SMARCD1: variants seen among roughly 807,000 people sequenced by gnomAD.
The protein encoded by SMARCD1 is SWI/SNF related BAF chromatin remodeling complex subunit D1.
In SMARCD1, 16 loss-of-function variants were observed where a neutral mutation model predicts 70.8. That is an observed-to-expected ratio of 0.23 (90% confidence interval 0.15 to 0.34). The LOEUF is 0.34. Among genes scored for constraint, SMARCD1 ranks in the 10% least tolerant of loss-of-function variants. The probability of loss-of-function intolerance (pLI) is 1.00; values close to 1 mark genes in which losing one functional copy is unlikely to be tolerated. For synonymous variants in SMARCD1, 249 were observed against 246.0 expected (o/e 1.01, Z -0.11); for missense variants, 409 against 655.5 (o/e 0.62, Z 4.11).
intron 2 of SMARCD1, 82 bp from the exon 3 acceptor site, chr12:50,086,536 TTAC>T (rs1950792851): frequency 7.3e-7 from 1 of 1,375,986 alleles, no homozygotes; most frequent in African/African-American, 1.5e-5. Context: ...TCCCTTCACA[TTAC>T]TATAAATGGA....
intron 9 of SMARCD1, among the ~76,000 whole-genome samples, chr12:50,091,916 C>A (rs2137888843): frequency 6.6e-6 from 1 of 152,270 alleles, no homozygotes; most frequent in South Asian, 2.1e-4. Context: ...CAGCAAATGC[C>A]ACACATCTGG....
intron 6 of SMARCD1, 23 bp from the exon 7 acceptor site, chr12:50,089,861 C>G: frequency 6.3e-7 from 1 of 1,578,732 alleles, no homozygotes; most frequent in Non-Finnish European, 8.7e-7. Context: ...GGAGAGCACC[C>G]CCTGACATCT....
rs202229274 is a variant in SMARCD1 at position 50,092,242 on chromosome 12, T to TC, written c.1133+1652_1133+1653insC. 8.5e-3 allele frequency among the ~76,000 whole-genome samples: 1,188 copies of TC among 140,310 alleles called. 19 individuals are homozygous for TC. The highest frequency in any genetic ancestry group is 0.018 in the Middle Eastern group (5 of 282). The allele number at this position is 140,310 out of a possible 152,430, so 92.0% of individuals were successfully genotyped here. On this transcript the variant is annotated intron_variant, in intron 9 of 12. Coordinates refer to ENST00000394963, the MANE Select transcript of SMARCD1 (RefSeq NM_003076.5). ...CTTTTCTTTTCTTTCTTTCTTTTTT[T>TC]TTTTTTTTTTTTTTTGAGACAGACA...
At chr12:50,088,040 T>G (rs1215893355) in intron 5 of SMARCD1, among the ~76,000 whole-genome samples, 1 of 152,182 alleles carries the variant, frequency 6.6e-6, no homozygotes, top group Admixed American at 6.5e-5. Context: ...TTTTAGCTGC[T>G]CGCAGGCAAG....
chr12:50,096,457 T>C (rs1411512485), intron 10 of SMARCD1, among the ~76,000 whole-genome samples: 3 of 152,162 alleles, frequency 2.0e-5, no homozygotes, highest in Admixed American at 2.0e-4. Context: ...GGGAGGAGTA[T>C]GCAGAATGAG....
At chr12:50,085,601 A>C in intron 1 of SMARCD1, 55 bp downstream of exon 1, 3 of 827,738 alleles carry the variant, frequency 3.6e-6, no homozygotes, top group African/African-American at 2.3e-5. Flanking sequence ...GAGCGGGGAC[A>C]TGGGAGTGAC....
At chr12:50,094,720 A>G (rs891286902) in intron 10 of SMARCD1, 148 bp downstream of exon 10, 10 of 721,016 alleles carry the variant, frequency 1.4e-5, no homozygotes, top group Non-Finnish European at 2.3e-5. Context: ...GCCAGACTCA[A>G]ATGAATTCTG....
Position 50,090,255 on chromosome 12 carries a change from A to G in SMARCD1, c.888A>G (p.Lys296=). 1 of 1,612,644 alleles carries G rather than the reference A, an allele frequency of 6.2e-7. No individual in the cohort carries two copies. Among genetic ancestry groups the G allele is most frequent in the East Asian group, 2.2e-5 (1 of 44,874 alleles). Reference sequence around the variant, plus strand: ...GTTCCCTGCAGCCTCCCCAGTTTAAATTAGACCCCCGCCTAGCTCGACTCC... The same window carrying G: ...GTTCCCTGCAGCCTCCCCAGTTTAAGTTAGACCCCCGCCTAGCTCGACTCC... ...LMLDYQPPQF[K]LDPRLARLLG... The change falls in exon 8 of 13, where the codon AAA becomes AAG. Residue 296 remains lysine (K), a synonymous_variant. Transcript: ENST00000394963.
At chr12:50,090,712 A>G (rs1016127900) in intron 9 of SMARCD1, 122 bp downstream of exon 9, 4 of 607,202 alleles carry the variant, frequency 6.6e-6, no homozygotes, top group African/African-American at 1.9e-5. Flanking sequence ...TTACACTGTT[A>G]CTTACAATTA....
intron 6 of SMARCD1, chr12:50,088,952 A>G: frequency 5.5e-6 from 1 of 180,730 alleles, no homozygotes; most frequent in Non-Finnish European, 1.1e-5. Flanking sequence ...CTTGTTAATA[A>G]TGGTGAGATG....
At chr12:50,088,189 T>G in intron 5 of SMARCD1, 1 of 690,754 alleles carries the variant, frequency 1.4e-6, no homozygotes, top group Non-Finnish European at 2.6e-6. Flanking sequence ...TTGCCTGTGA[T>G]TCATTTCCCC....
At position 50,088,412 on chromosome 12, in the gene SMARCD1, A is replaced by AT. The variant is rs1950811588; in HGVS notation, c.655-103dup. The stretch of plus-strand genomic sequence containing the variant: ...CTCTCTTAAGAGATATTCAGAAGAT[A>AT]TTTTTTGAGTTTTTTTCCATTGTTG... On this transcript the variant is annotated intron_variant, in intron 5 of 12. Coordinates refer to ENST00000394963, the MANE Select transcript of SMARCD1 (RefSeq NM_003076.5). 1.3e-5 allele frequency: 9 copies of AT among 705,538 alleles called. No homozygotes were observed. In the South Asian group the frequency reaches 1.5e-4, roughly 12 times the overall value. The allele number at this position is 705,538 out of a possible 1,614,324, so 43.7% of individuals were successfully genotyped here.
chr12:50,089,902 A>G lies in SMARCD1; in HGVS notation c.790A>G (p.Thr264Ala). The G allele has an allele frequency of 6.2e-7, 1 of 1,614,004 alleles. No individual in the cohort carries two copies. The highest frequency in any genetic ancestry group is 8.5e-7 in the Non-Finnish European group (1 of 1,179,968). The change falls in exon 7 of 13, where the codon ACC (threonine) becomes GCC (alanine). Residue 264 changes from threonine to alanine, a missense_variant. Thr to Ala is a moderately conservative substitution (Grantham distance 58). Transcript: ENST00000394963. ...TCTGTAGTGGCACAGGACCGCCACT[A>G]CCCAGGAGACCGATGGCTTTCAGGT... Reference protein sequence around the residue: ...HLVEWHRTATTQETDGFQVKR... With the variant: ...HLVEWHRTATAQETDGFQVKR...
intron 5 of SMARCD1, 30 bp downstream of exon 5, chr12:50,087,515 C>G (rs773331895): frequency 1.2e-6 from 2 of 1,610,914 alleles, no homozygotes; most frequent in Admixed American, 1.7e-5. Flanking sequence ...TGGTTGGCAT[C>G]TAGGGTGGGA....
chr12:50,086,175 G>A lies in SMARCD1; in HGVS notation c.192G>A (p.Leu64=), dbSNP rs1950787397. The part of the protein sequence containing the change: ...PGAAYPRPGM[L]PGSRMTPQGP... The stretch of plus-strand genomic sequence containing the variant: ...CCCCTCTGTAGAGACCAGGTATGTT[G>A]CCAGGCAGCCGAATGACACCTCAGG... Residue 64 remains leucine, a synonymous_variant, in exon 2 of 13, where the codon TTG becomes TTA. Transcript: ENST00000394963. The A allele has an allele frequency of 1.9e-6, 3 of 1,565,088 alleles. No homozygotes were observed. The highest frequency in any genetic ancestry group is 3.7e-5 in the Admixed American group (2 of 53,924).
chr12:50,087,099 C>G (rs1386236611), intron 4 of SMARCD1, among the ~76,000 whole-genome samples: 2 of 152,198 alleles, frequency 1.3e-5, no homozygotes, highest in Non-Finnish European at 2.9e-5. Flanking sequence ...ATACCCTTGT[C>G]CATGTTTTCG....
intron 5 of SMARCD1, chr12:50,088,293 A>C: frequency 1.4e-6 from 1 of 703,056 alleles, no homozygotes; most frequent in Non-Finnish European, 2.6e-6. Flanking sequence ...TGAGATGGGT[A>C]AAACAGTGAC....
At position 50,085,618 on chromosome 12, in the gene SMARCD1, G is replaced by C. The variant is rs551623873; in HGVS notation, c.177+72G>C. On this transcript the variant is annotated intron_variant, in intron 1 of 12. Coordinates refer to ENST00000394963, the MANE Select transcript of SMARCD1 (RefSeq NM_003076.5). ...GCGGGGACATGGGAGTGACAGGGGT[G>C]GGGGGAGAAGTAGGAGGGACTCCCT... 1.9e-3 allele frequency: 2,130 copies of C among 1,131,750 alleles called. 11 individuals are homozygous for C. The highest frequency in any genetic ancestry group is 0.01 in the Middle Eastern group (31 of 3,030). 70.1% of individuals were successfully genotyped at this position (1,131,750 alleles called of 1,614,324 possible).
At chr12:50,092,460 G>A (rs1170112493) in intron 9 of SMARCD1, among the ~76,000 whole-genome samples, 3 of 149,462 alleles carry the variant, frequency 2.0e-5, no homozygotes, top group African/African-American at 7.4e-5. Flanking sequence ...TTGGTCACGT[G>A]ATCCACCCGC....
Sources: allele counts gnomAD v4.1 joint callset (sites outside exome capture counted in the v4.1 genomes callset), GRCh38; gene constraint gnomAD v4.1.1; transcripts MANE v1.5; gene names NCBI Gene and HGNC (gene_info 2026-07-23, HGNC 2026-07-21).